Variants in TJP2 observed in about 807,000 individuals in gnomAD.
TJP2 encodes Friedreich ataxia region gene X104 (tight junction protein ZO-2).
Under a neutral mutation model 133.1 loss-of-function variants are expected in TJP2, and 91 were observed. The ratio of observed to expected loss-of-function variants is 0.68; its 90% CI spans 0.58 to 0.81. The LOEUF is 0.81. TJP2 is among the 40% of genes least tolerant of loss of function. TJP2 has a pLI of 0.00. For synonymous variants in TJP2, 592 were observed against 583.4 expected (o/e 1.01, Z -0.21); for missense variants, 1,541 against 1,565.6 (o/e 0.98, Z 0.26).
intron 1 of TJP2, among the ~76,000 whole-genome samples, chr9:69,191,841 A>G (rs1382190799): frequency 6.6e-6 from 1 of 151,480 alleles, no homozygotes; most frequent in African/African-American, 2.4e-5. Flanking sequence ...GGTTCAAGCG[A>G]TTTTCCTGCC....
chr9:69,138,650 G>C (rs1374259233), intron 1 of TJP2, among the ~76,000 whole-genome samples: 1 of 152,146 alleles, frequency 6.6e-6, no homozygotes, highest in Non-Finnish European at 1.5e-5. Flanking sequence ...GGGCATGGTG[G>C]CTTACACCTC....
rs762140391 is a variant in TJP2, at chr9:69,221,443, G to A, written c.899G>A (p.Arg300Lys). The change falls in exon 5 of 23, where the codon AGG becomes AAG. Residue 300 changes from arginine (R) to lysine (K), a missense_variant. Arg to Lys is a conservative substitution (Grantham distance 26). Coordinates refer to ENST00000377245, the MANE Select transcript of TJP2 (RefSeq NM_004817.4). ...TCACGGAGCCCCAGCCCCGAGCCTA[G>A]GGGGCGGCCGGGGCCCATCGGGGTC... ...PHSRSPSPEP[R>K]GRPGPIGVLL... 5.0e-6 allele frequency: 8 copies of A among 1,594,358 alleles called. No individual in the cohort carries two copies. The Middle Eastern group carries it at 9.9e-4, about 198-fold the overall frequency.
At chr9:69,148,534 C>T (rs1823320967) in intron 1 of TJP2, among the ~76,000 whole-genome samples, 1 of 41,222 alleles carries the variant, frequency 2.4e-5, no homozygotes, top group Non-Finnish European at 4.8e-5. Flanking sequence ...CCATGCCTAG[C>T]TATTTTTGTA....
At chr9:69,129,887 T>C (rs12001863) in intron 1 of TJP2, among the ~76,000 whole-genome samples, 13 of 151,542 alleles carry the variant, frequency 8.6e-5, no homozygotes, top group African/African-American at 2.4e-4. Flanking sequence ...CGTGGTGGCG[T>C]GCCTGTAATC....
chr9:69,229,632 G>A (rs1468383320), intron 10 of TJP2, among the ~76,000 whole-genome samples: 5 of 152,206 alleles, frequency 3.3e-5, no homozygotes, highest in Non-Finnish European at 7.3e-5. Flanking sequence ...GTGGGGGAGG[G>A]AGGAGGAGTG....
intron 17 of TJP2, among the ~76,000 whole-genome samples, chr9:69,245,972 G>A (rs558060511): frequency 6.6e-6 from 1 of 152,286 alleles, no homozygotes; most frequent in African/African-American, 2.4e-5. Flanking sequence ...TCAACTAGCC[G>A]TGTATAGGAA....
intron 1 of TJP2, among the ~76,000 whole-genome samples, chr9:69,209,426 G>T (rs570842397): frequency 6.6e-6 from 1 of 151,620 alleles, no homozygotes; most frequent in Non-Finnish European, 1.5e-5. Context: ...GAACCATCAC[G>T]CCCGACCCGG....
chr9:69,204,744 TG>T, intron 1 of TJP2: 2 of 846,164 alleles, frequency 2.4e-6, no homozygotes, highest in Non-Finnish European at 1.4e-6. Context: ...GGCGTGTGTG[TG>T]TGTGTATCAG....
chr9:69,242,334 C>T (rs1317075178), intron 17 of TJP2, among the ~76,000 whole-genome samples: 1 of 152,226 alleles, frequency 6.6e-6, no homozygotes, highest in African/African-American at 2.4e-5. Context: ...AGAGCCTGAA[C>T]ATTTCCCAGC....
exon 1 of TJP2, chr9:69,121,678 C>G (rs1392724442): frequency 2.0e-5 from 3 of 152,896 alleles, no homozygotes; most frequent in Non-Finnish European, 4.4e-5. Flanking sequence ...TCGCCCTCGC[C>G]CAGCGCCCGA....
In TJP2 at chr9:69,254,469, C is replaced by A; in HGVS notation, c.*95C>A. 2 of 1,518,524 alleles carry A rather than the reference C, an allele frequency of 1.3e-6. No individual in the cohort carries two copies. Among genetic ancestry groups the A allele is most frequent in the Non-Finnish European group, 1.8e-6 (2 of 1,104,650 alleles). 94.1% of individuals were successfully genotyped at this position (1,518,524 alleles called of 1,614,324 possible). ...GGATGGTTCTTCTCCAGTTAGAATG[C>A]ACCATGGAGACGTGGTGGGACTCCA... On this transcript the variant is annotated 3_prime_UTR_variant, in exon 23 of 23. Coordinates refer to ENST00000377245, the MANE Select transcript of TJP2 (RefSeq NM_004817.4).
chr9:69,156,563 G>T (rs1289292583), intron 2 of TJP2, among the ~76,000 whole-genome samples: 3 of 115,040 alleles, frequency 2.6e-5, no homozygotes, highest in Non-Finnish European at 4.9e-5. Flanking sequence ...ACGGAGTCTC[G>T]TTCTGTCGCC....
At chr9:69,167,976 C>T (rs557597534) in intron 2 of TJP2, among the ~76,000 whole-genome samples, 133 of 152,084 alleles carry the variant, frequency 8.7e-4, no homozygotes, top group African/African-American at 2.9e-3. Context: ...TGGCAAAAAC[C>T]GCAATTACTG....
At chr9:69,160,335 CTACA>C (rs1446203226) in intron 2 of TJP2, among the ~76,000 whole-genome samples, 2 of 152,202 alleles carry the variant, frequency 1.3e-5, no homozygotes, top group Non-Finnish European at 2.9e-5. Flanking sequence ...TGAAAGCTCC[CTACA>C]TTCCTGAAAT....
At chr9:69,228,754 A>G (rs1181711387) in intron 9 of TJP2, among the ~76,000 whole-genome samples, 2 of 152,178 alleles carry the variant, frequency 1.3e-5, no homozygotes, top group Non-Finnish European at 2.9e-5. Context: ...TCTAAATGCC[A>G]TTAGAATTGG....
intron 19 of TJP2, chr9:69,249,145 T>C (rs1429276701): frequency 9.7e-5 from 96 of 985,418 alleles, no homozygotes; most frequent in Non-Finnish European, 1.1e-4. Context: ...TTTGGAGGGT[T>C]CTTAAAAAAT....
At chr9:69,168,893 G>T (rs1824515361) in intron 2 of TJP2, among the ~76,000 whole-genome samples, 1 of 150,072 alleles carries the variant, frequency 6.7e-6, no homozygotes, top group African/African-American at 2.5e-5. Context: ...CGCTCTCCTG[G>T]AGGTAATCAC....
At chr9:69,141,406 T>G (rs971311384) in intron 1 of TJP2, among the ~76,000 whole-genome samples, 11 of 152,040 alleles carry the variant, frequency 7.2e-5, no homozygotes, top group Admixed American at 1.3e-4. Flanking sequence ...CTTTGTGGTG[T>G]TTTCCACCGC....
chr9:69,248,966 C>G, intron 19 of TJP2: 1 of 833,882 alleles, frequency 1.2e-6, no homozygotes, highest in Non-Finnish European at 1.4e-6. Flanking sequence ...TGAAATAGAA[C>G]TACCAAAAAA....
Sources: allele counts gnomAD v4.1 joint callset (sites outside exome capture counted in the v4.1 genomes callset), GRCh38; gene constraint gnomAD v4.1.1; transcripts MANE v1.5; gene names NCBI Gene and HGNC (gene_info 2026-07-23, HGNC 2026-07-21).